Variants in RMDN2 observed in about 807,000 individuals in gnomAD.
RMDN2 encodes the protein regulator of microtubule dynamics 2.
Under a neutral mutation model 52.8 loss-of-function variants are expected in RMDN2, and 61 were observed. The ratio of observed to expected loss-of-function variants is 1.16; its 90% confidence interval spans 0.94 to 1.43. The LOEUF is 1.43. RMDN2 is among the 40% of genes most tolerant of loss of function. The pLI, the probability that RMDN2 is intolerant of heterozygous loss-of-function variation, is 0.00. For synonymous variants in RMDN2, 180 were observed against 153.1 expected (o/e 1.18, Z -1.30); for missense variants, 592 against 475.3 (o/e 1.25, Z -2.28).
intron 10 of RMDN2, among the ~76,000 whole-genome samples, chr2:38,013,978 G>A (rs555087397): frequency 1.3e-5 from 2 of 152,204 alleles, no homozygotes; most frequent in African/African-American, 2.4e-5. Context: ...CGGCCGAGGC[G>A]GGCGGATCAC....
chr2:38,066,636 G>A (rs912101554), intron 10 of RMDN2, among the ~76,000 whole-genome samples: 4 of 152,202 alleles, frequency 2.6e-5, no homozygotes, highest in African/African-American at 9.7e-5. Flanking sequence ...AACCACGCCT[G>A]TCTTACTTAT....
chr2:37,978,777 CAGAT>C (rs1213724373), intron 4 of RMDN2, among the ~76,000 whole-genome samples: 2,674 of 148,858 alleles, frequency 0.018, 36 homozygotes, highest in Non-Finnish European at 0.026. Flanking sequence ...GACCCTTTCT[CAGAT>C]AGATAGATAG....
At chr2:38,021,158 T>C (rs1369609509), downstream of RMDN2, among the ~76,000 whole-genome samples, 4 of 152,168 alleles carry the variant, frequency 2.6e-5, no homozygotes, top group African/African-American at 4.8e-5. Flanking sequence ...AGAACCTTCA[T>C]GTCCACACTC....
At chr2:38,046,490 A>C (rs1369474457) in intron 10 of RMDN2, among the ~76,000 whole-genome samples, 1 of 152,174 alleles carries the variant, frequency 6.6e-6, no homozygotes, top group Admixed American at 6.5e-5. Context: ...TTGATGAAAA[A>C]CATTAGATAT....
At chr2:37,995,565 C>A (rs1302584955) in intron 7 of RMDN2, among the ~76,000 whole-genome samples, 1 of 152,134 alleles carries the variant, frequency 6.6e-6, no homozygotes, top group African/African-American at 2.4e-5. Context: ...TCACCCACCC[C>A]TTTTAGTAAT....
At chr2:38,019,888 A>G (rs60043604), downstream of RMDN2, among the ~76,000 whole-genome samples, 4,857 of 152,200 alleles carry the variant, frequency 0.032, 231 homozygotes, top group African/African-American at 0.1. Flanking sequence ...TTGCGCCACT[A>G]CACTCCACTC....
chr2:37,957,154 T>A (rs1475359551), intron 2 of RMDN2, among the ~76,000 whole-genome samples: 9 of 152,208 alleles, frequency 5.9e-5, no homozygotes, highest in African/African-American at 2.2e-4. Flanking sequence ...TGATTTATAA[T>A]CCTTTGGGTA....
At chr2:38,042,092 G>A (rs907650161) in intron 10 of RMDN2, among the ~76,000 whole-genome samples, 2 of 152,086 alleles carry the variant, frequency 1.3e-5, no homozygotes, top group Non-Finnish European at 2.9e-5. Flanking sequence ...ATCTGCTTTG[G>A]AAGGTTATTT....
chr2:37,951,271 C>G, intron 2 of RMDN2: 1 of 1,604,384 alleles, frequency 6.2e-7, no homozygotes. Context: ...CGATGTTCTC[C>G]AGAAGATCAA....
chr2:37,956,786 C>T (rs902735717), intron 2 of RMDN2, among the ~76,000 whole-genome samples: 1 of 151,848 alleles, frequency 6.6e-6, no homozygotes, highest in African/African-American at 2.4e-5. Flanking sequence ...AGGTATTTGT[C>T]CTAACGCTAC....
At chr2:38,007,832 G>T (rs937318333) in intron 10 of RMDN2, among the ~76,000 whole-genome samples, 4 of 151,838 alleles carry the variant, frequency 2.6e-5, no homozygotes, top group Admixed American at 6.6e-5. Flanking sequence ...TGCTTTCTCT[G>T]GTGGGCATTT....
intron 2 of RMDN2, among the ~76,000 whole-genome samples, chr2:37,946,379 G>T (rs1033367997): frequency 7.9e-5 from 12 of 151,956 alleles, no homozygotes; most frequent in African/African-American, 2.7e-4. Flanking sequence ...GAGGAAGAAG[G>T]GTAAGATGCT....
chr2:37,960,529 G>T (rs182440979), intron 2 of RMDN2, among the ~76,000 whole-genome samples: 1 of 152,012 alleles, frequency 6.6e-6, no homozygotes, highest in African/African-American at 2.4e-5. Context: ...TTGAGCCTAT[G>T]TGTGTCTTTG....
At chr2:38,053,426 G>C (rs919667012) in intron 10 of RMDN2, among the ~76,000 whole-genome samples, 2 of 152,168 alleles carry the variant, frequency 1.3e-5, no homozygotes, top group African/African-American at 4.8e-5. Flanking sequence ...CAGCAGGAGA[G>C]AGCTTTAGAA....
At chr2:38,054,034 T>G (rs569010628) in intron 10 of RMDN2, among the ~76,000 whole-genome samples, 10 of 152,324 alleles carry the variant, frequency 6.6e-5, no homozygotes, top group Admixed American at 1.3e-4. Context: ...TGACCACTTA[T>G]CAGATTACTG....
intron 1 of RMDN2, among the ~76,000 whole-genome samples, chr2:37,926,930 T>TA (rs113438920): frequency 0.29 from 43,036 of 147,520 alleles, 6,083 homozygotes; most frequent in African/African-American, 0.31. Flanking sequence ...AGCGAGACTC[T>TA]AAAAAAAAAA....
chr2:37,966,454 G>A (rs1326952362), intron 2 of RMDN2, among the ~76,000 whole-genome samples: 5 of 25,110 alleles, frequency 2.0e-4, no homozygotes, highest in South Asian at 2.1e-3. Flanking sequence ...GTATTTCATT[G>A]TGTTTCCTAG....
At chr2:38,014,954 C>T (rs1297546670) in intron 10 of RMDN2, among the ~76,000 whole-genome samples, 3 of 152,132 alleles carry the variant, frequency 2.0e-5, no homozygotes, top group African/African-American at 4.8e-5. Context: ...GCAACTTGGG[C>T]CATGGGCCAG....
intron 10 of RMDN2, among the ~76,000 whole-genome samples, chr2:38,031,341 A>C (rs957241677): frequency 7.0e-6 from 1 of 143,492 alleles, no homozygotes; most frequent in African/African-American, 2.6e-5. Context: ...AGATGCAATC[A>C]TAGCTCACTG....
Sources: gnomAD v4.1 joint callset for allele counts (sites outside exome capture counted in the v4.1 genomes callset) on GRCh38, gnomAD v4.1.1 for gene constraint, MANE v1.5 for transcripts, NCBI Gene and HGNC (gene_info 2026-07-23, HGNC 2026-07-21) for gene names.